The following FBLN2 variants were observed in gnomAD, a reference collection of about 807,000 sequenced individuals.
FBLN2 encodes the protein fibulin 2.
In FBLN2, 81 loss-of-function variants were observed where a neutral mutation model predicts 123.7. That is an observed-to-expected ratio of 0.65 (90% CI 0.55 to 0.79). The LOEUF is 0.79. Ranked by LOEUF, FBLN2 falls within the 30% of genes least tolerant of loss-of-function variation. FBLN2 has a pLI of 0.00. For synonymous variants in FBLN2, 699 were observed against 701.4 expected (o/e 1.00, Z 0.05); for missense variants, 1,603 against 1,681.3 (o/e 0.95, Z 0.81).
intron 2 of FBLN2, among the ~76,000 whole-genome samples, chr3:13,578,313 C>G (rs1704212882): frequency 6.6e-6 from 1 of 152,192 alleles, no homozygotes. Flanking sequence ...GCATTGTCAT[C>G]ACTCCAGAAA....
chr3:13,569,565 G>C (rs1703855322), intron 1 of FBLN2, among the ~76,000 whole-genome samples: 1 of 151,948 alleles, frequency 6.6e-6, no homozygotes, highest in African/African-American at 2.4e-5. Flanking sequence ...GGAGTTGGTG[G>C]GGTGTTAGGG....
chr3:13,595,782 G>T (rs571424908), intron 2 of FBLN2, among the ~76,000 whole-genome samples: 2 of 152,282 alleles, frequency 1.3e-5, no homozygotes, highest in East Asian at 3.9e-4. Flanking sequence ...ATTGTTCAGG[G>T]AACCCATTGT....
chr3:13,584,640 C>T (rs558302123), intron 2 of FBLN2, among the ~76,000 whole-genome samples: 1 of 152,260 alleles, frequency 6.6e-6, no homozygotes, highest in East Asian at 1.9e-4. Flanking sequence ...AGGATGCCAC[C>T]CTCCAGGCCA....
intron 15 of FBLN2, 121 bp downstream of exon 15, chr3:13,630,936 C>A: frequency 1.3e-6 from 1 of 762,956 alleles, no homozygotes; most frequent in Non-Finnish European, 2.2e-6. Context: ...GATCTGAGTT[C>A]AAGCCCCAGC....
intron 9 of FBLN2, among the ~76,000 whole-genome samples, chr3:13,623,190 C>T (rs1705914431): frequency 2.0e-5 from 3 of 152,248 alleles, no homozygotes; most frequent in Admixed American, 2.0e-4. Flanking sequence ...AGCAGCCGGC[C>T]AGCTCTTCCT....
Position 13,570,911 on chromosome 3 carries a change from G to A in FBLN2, c.556G>A (p.Glu186Lys). The A allele has an allele frequency of 1.9e-6, 3 of 1,612,954 alleles. No homozygotes were observed. The highest frequency in any genetic ancestry group is 2.2e-5 in the South Asian group (2 of 90,950). ...GCHGNFSDAE[E>K]GDPERHYEDP... ...CCACGGGAACTTCTCAGATGCCGAG[G>A]AGGGTGACCCCGAGCGACACTACGA... Residue 186 changes from glutamate to lysine, a missense_variant, in exon 2 of 18, where the codon GAG becomes AAG. Glu to Lys is a moderately conservative substitution (Grantham distance 56). Transcript: ENST00000404922.
chr3:13,559,488 T>C (rs1703551332), intron 1 of FBLN2, among the ~76,000 whole-genome samples: 1 of 152,168 alleles, frequency 6.6e-6, no homozygotes, highest in Non-Finnish European at 1.5e-5. Flanking sequence ...GTTTGCCCAG[T>C]GTTTTACCTG....
intron 9 of FBLN2, among the ~76,000 whole-genome samples, chr3:13,624,243 G>A (rs546974731): frequency 3.9e-5 from 6 of 152,328 alleles, no homozygotes; most frequent in South Asian, 2.1e-4. Flanking sequence ...CAGCACTACC[G>A]GGAGGCTGAT....
chr3:13,618,102 G>T lies in FBLN2; in HGVS notation c.1756G>T (p.Glu586Ter). 1 of 1,613,386 alleles carries T rather than the reference G, an allele frequency of 6.2e-7. No homozygotes were observed. Among genetic ancestry groups the T allele is most frequent in the Non-Finnish European group, 8.5e-7 (1 of 1,179,904 alleles). ...TTCAGAGGCAGAGATGGCGGGCCGA[G>T]AGGCCCTGTCACTGGGCACAGAGGC... is the stretch of plus-strand genomic sequence containing the variant. ...RVSEAEMAGREALSLGTEAEL... is the reference protein window; with the variant it reads ...RVSEAEMAGR The change falls in exon 6 of 18, where the codon GAG becomes TAG. Residue 586 changes from glutamate to a stop codon, truncating the protein, a stop_gained. Transcript: ENST00000404922. LOFTEE classifies it high-confidence loss of function.
intron 4 of FBLN2, 77 bp downstream of exon 4, chr3:13,609,719 G>A (rs552126105): frequency 9.9e-6 from 15 of 1,517,354 alleles, no homozygotes; most frequent in African/African-American, 4.2e-5. Context: ...GAAGGTCCTC[G>A]TGGCCCAAGA....
intron 17 of FBLN2, 56 bp downstream of exon 17, chr3:13,636,624 T>C (rs1270270765): frequency 1.1e-5 from 17 of 1,571,774 alleles, no homozygotes; most frequent in Middle Eastern, 1.7e-4. Context: ...TCCTGTACTA[T>C]CCAGGGAGAG....
At chr3:13,569,747 C>T (rs1574948943) in intron 1 of FBLN2, among the ~76,000 whole-genome samples, 1 of 152,030 alleles carries the variant, frequency 6.6e-6, no homozygotes, top group East Asian at 1.9e-4. Flanking sequence ...TCCCCACTGA[C>T]TGTATTTTCT....
chr3:13,576,890 A>G (rs1034879378), intron 2 of FBLN2, among the ~76,000 whole-genome samples: 1 of 152,204 alleles, frequency 6.6e-6, no homozygotes, highest in African/African-American at 2.4e-5. Flanking sequence ...AAACAAGTCC[A>G]TGGGAATTAT....
chr3:13,611,021 C>T (rs1308248950), intron 4 of FBLN2, among the ~76,000 whole-genome samples: 1 of 152,074 alleles, frequency 6.6e-6, no homozygotes, highest in Non-Finnish European at 1.5e-5. Context: ...ATTCTCCTGC[C>T]TCAGCCTCCC....
Position 13,570,514 on chromosome 3 carries a change from C to G in FBLN2, c.159C>G (p.Ala53=). Residue 53 remains alanine, a synonymous_variant, in exon 2 of 18, where the codon GCC becomes GCG. Coordinates refer to ENST00000404922, the MANE Select transcript of FBLN2 (RefSeq NM_001004019.2). The stretch of plus-strand genomic sequence containing the variant: ...TTGAGGAGGCGCTGGAGCCGGGTGC[C>G]TGCTGTGCCACGTGTGTGCAGCAGG... ...NCIEEALEPG[A]CCATCVQQGC... 6.3e-7 allele frequency: 1 copy of G among 1,588,180 alleles called. No individual in the cohort carries two copies. The highest frequency in any genetic ancestry group is 8.6e-7 in the Non-Finnish European group (1 of 1,168,312).
chr3:13,570,368 T>C lies in FBLN2; in HGVS notation c.13T>C (p.Trp5Arg). Residue 5 changes from tryptophan to arginine, a missense_variant, in exon 2 of 18, where the codon TGG becomes CGG. Coordinates refer to ENST00000404922, the MANE Select transcript of FBLN2 (RefSeq NM_001004019.2). ...GCTGGCCTGGACCATGGTGCTGCTC[T>C]GGGAGCCTGCAGGAGCCTGGCTTGC... MVLL[W>R]EPAGAWLALG... The C allele has an allele frequency of 6.4e-7, 1 of 1,566,302 alleles. No individual in the cohort carries two copies. Among genetic ancestry groups the C allele is most frequent in the Non-Finnish European group, 8.7e-7 (1 of 1,155,462 alleles).
intron 2 of FBLN2, among the ~76,000 whole-genome samples, chr3:13,592,553 T>C (rs947381000): frequency 6.6e-6 from 1 of 152,254 alleles, no homozygotes; most frequent in Non-Finnish European, 1.5e-5. Context: ...TGGTATTGTA[T>C]TGAATCTGTA....
At chr3:13,630,660 C>T (rs1327418618) in intron 14 of FBLN2, 39 bp from the exon 15 acceptor site, 1 of 1,514,690 alleles carries the variant, frequency 6.6e-7, no homozygotes. Context: ...CCAAGGCAGA[C>T]TTGGGCCCTG....
At chr3:13,613,633 C>T (rs573834804) in intron 4 of FBLN2, among the ~76,000 whole-genome samples, 42 of 152,254 alleles carry the variant, frequency 2.8e-4, no homozygotes, top group South Asian at 1.5e-3. Context: ...CTGAAGGCTC[C>T]GCTGAGTGAA....
Sources: gnomAD v4.1 joint callset for allele counts (sites outside exome capture counted in the v4.1 genomes callset) on GRCh38, gnomAD v4.1.1 for gene constraint, MANE v1.5 for transcripts, NCBI Gene and HGNC (gene_info 2026-07-23, HGNC 2026-07-21) for gene names.